The following PRKACB variants were observed in gnomAD, a reference collection of about 807,000 sequenced individuals.
PRKACB encodes protein kinase cAMP-activated catalytic subunit beta.
Under a neutral mutation model 51.4 loss-of-function variants are expected in PRKACB, and 16 were observed. That is an observed-to-expected ratio of 0.31 (90% CI 0.21 to 0.47). The LOEUF is 0.47. PRKACB is among the 20% of genes least tolerant of loss of function. The pLI is 1.00. For synonymous variants in PRKACB, 147 were observed against 154.4 expected (o/e 0.95, Z 0.35); for missense variants, 309 against 464.5 (o/e 0.67, Z 3.08).
intron 1 of PRKACB, among the ~76,000 whole-genome samples, chr1:84,129,049 A>G (rs1389026797): frequency 6.6e-6 from 1 of 152,224 alleles, no homozygotes; most frequent in Non-Finnish European, 1.5e-5. Context: ...GAATTCCTGG[A>G]AGAAAAATTA....
At chr1:84,155,454 A>G (rs919638064) in intron 1 of PRKACB, among the ~76,000 whole-genome samples, 4 of 152,186 alleles carry the variant, frequency 2.6e-5, no homozygotes, top group Non-Finnish European at 4.4e-5. Flanking sequence ...AAAGCGATCT[A>G]CAGATTAAAT....
At chr1:84,148,754 A>T (rs1027639503) in intron 1 of PRKACB, among the ~76,000 whole-genome samples, 1 of 152,232 alleles carries the variant, frequency 6.6e-6, no homozygotes, top group African/African-American at 2.4e-5. Flanking sequence ...AGCAGACTTT[A>T]TAGTAAAACT....
intron 1 of PRKACB, among the ~76,000 whole-genome samples, chr1:84,150,462 A>G (rs562788452): frequency 6.6e-6 from 1 of 152,138 alleles, no homozygotes; most frequent in South Asian, 2.1e-4. Flanking sequence ...CTCATGTTGG[A>G]ATGTGATCCC....
At chr1:84,229,170 G>C (rs1675160167) in intron 9 of PRKACB, among the ~76,000 whole-genome samples, 1 of 147,432 alleles carries the variant, frequency 6.8e-6, no homozygotes, top group African/African-American at 2.6e-5. Context: ...CTATGAGTGA[G>C]AATATGCAGT....
At chr1:84,127,595 C>T (rs991251077) in intron 1 of PRKACB, among the ~76,000 whole-genome samples, 1 of 120,730 alleles carries the variant, frequency 8.3e-6, no homozygotes, top group Non-Finnish European at 1.9e-5. Context: ...TGGCACATTA[C>T]TGAGCTATTT....
In PRKACB at chr1:84,236,129, T is replaced by C. The variant is rs967426258; in HGVS notation, c.*824T>C. The stretch of plus-strand genomic sequence containing the variant: ...TATTAGAGAAGAGTTCTAAGTTTTC[T>C]AAACCTTAACTGTTCCTTAAGGATT... On this transcript the variant is annotated 3_prime_UTR_variant, in exon 10 of 10. Coordinates refer to ENST00000370685, the MANE Select transcript of PRKACB (RefSeq NM_182948.4). 2 of 152,668 alleles carry C rather than the reference T, an allele frequency of 1.3e-5. No individual in the cohort carries two copies. Among genetic ancestry groups the C allele is most frequent in the African/African-American group, 4.8e-5 (2 of 41,462 alleles). The allele number at this position is 152,668 out of a possible 1,614,324, so 9.5% of individuals were successfully genotyped here. A position where few individuals can be genotyped will look rare whatever the true frequency, so the allele number is the denominator to read the frequency against.
Position 84,085,518 on chromosome 1 carries a change from A to C in PRKACB, c.46+7147A>C, listed in dbSNP as rs566608745. Among the ~76,000 whole-genome samples the C allele has an allele frequency of 3.3e-5, 5 of 152,350 alleles. No individual in the cohort carries two copies. In the East Asian group the frequency reaches 9.6e-4, roughly 29 times the overall value. ...TCTATTATATTTATTAAAAGAAAAA[A>C]TACACAGGAAGCAGCAAGATGAGGG... is the stretch of plus-strand genomic sequence containing the variant. On this transcript the variant is annotated intron_variant, in intron 1 of 8. Coordinates refer to the PRKACB transcript ENST00000370688.
At chr1:84,212,231 T>A (rs1389680312) in intron 8 of PRKACB, among the ~76,000 whole-genome samples, 1 of 152,112 alleles carries the variant, frequency 6.6e-6, no homozygotes, top group African/African-American at 2.4e-5. Flanking sequence ...AAGCTCAGAT[T>A]TTCAGGCCCA....
At chr1:84,222,762 G>T (rs1197110156) in intron 9 of PRKACB, among the ~76,000 whole-genome samples, 2 of 152,108 alleles carry the variant, frequency 1.3e-5, no homozygotes, top group Admixed American at 1.3e-4. Context: ...TTGAAGAAAG[G>T]TTTCTTGGTT....
intron 9 of PRKACB, among the ~76,000 whole-genome samples, chr1:84,219,946 C>G (rs1403594664): frequency 2.6e-5 from 4 of 151,728 alleles, no homozygotes; most frequent in Admixed American, 2.0e-4. Context: ...TTTTGTGGTT[C>G]CATACAAATT....
intron 1 of PRKACB, chr1:84,165,078 T>C: frequency 1.5e-6 from 2 of 1,296,818 alleles, no homozygotes; most frequent in African/African-American, 3.0e-5. Flanking sequence ...GAGGAAAAAA[T>C]ATTTTTAAAG....
At chr1:84,198,222 A>G (rs1668734024) in intron 7 of PRKACB, among the ~76,000 whole-genome samples, 1 of 152,176 alleles carries the variant, frequency 6.6e-6, no homozygotes, top group Non-Finnish European at 1.5e-5. Context: ...CCAGTTAAAT[A>G]AAAGGAATGT....
intron 1 of PRKACB, among the ~76,000 whole-genome samples, chr1:84,113,026 A>G (rs1290555388): frequency 6.6e-6 from 1 of 152,226 alleles, no homozygotes; most frequent in African/African-American, 2.4e-5. Context: ...CTAAAAATGA[A>G]ATAGAAAAAC....
rs1670978873 is a variant in PRKACB, at chr1:84,204,358, G to C, written c.906+1553G>C. 4.3e-6 allele frequency: 3 copies of C among 696,052 alleles called. No individual in the cohort carries two copies. The South Asian group carries it at 6.3e-5, about 15-fold the overall frequency. 43.1% of individuals were successfully genotyped at this position (696,052 alleles called of 1,614,324 possible). A position where few individuals can be genotyped will look rare whatever the true frequency, so the allele number is the denominator to read the frequency against. ...GTGTTGAATGCTGTGCACTGATAAA[G>C]GCAATACAGAAAAGCAGAATGCAGT... On this transcript the variant is annotated intron_variant, in intron 8 of 9. Transcript: ENST00000370685.
At chr1:84,167,589 T>C (rs750790205) in intron 1 of PRKACB, among the ~76,000 whole-genome samples, 1 of 151,618 alleles carries the variant, frequency 6.6e-6, no homozygotes, top group Non-Finnish European at 1.5e-5. Context: ...TTCTAATCTC[T>C]AAATGTTGAA....
rs565590084 is a variant in PRKACB at position 84,172,857 on chromosome 1, A to G, written c.188-6320A>G. ...TTGCCTATTAAACTTCCAAATACTC[A>G]TATATATGTGGCTTTAGTCTTTATA... is the stretch of plus-strand genomic sequence containing the variant. On this transcript the variant is annotated intron_variant, in intron 1 of 9. Transcript: ENST00000370685. 5.9e-5 allele frequency among the ~76,000 whole-genome samples: 9 copies of G among 151,756 alleles called. No individual in the cohort carries two copies. In the South Asian group the frequency reaches 1.7e-3, roughly 28 times the overall value.
At chr1:84,095,768 A>T (rs1338657827) in intron 1 of PRKACB, among the ~76,000 whole-genome samples, 2 of 151,968 alleles carry the variant, frequency 1.3e-5, no homozygotes, top group African/African-American at 4.8e-5. Context: ...TTACATGTAT[A>T]TGTAAAATTT....
intron 8 of PRKACB, among the ~76,000 whole-genome samples, chr1:84,206,502 A>T (rs1026476583): frequency 6.6e-6 from 1 of 152,170 alleles, no homozygotes; most frequent in Non-Finnish European, 1.5e-5. Context: ...AGTCCAGAAG[A>T]CACCAGGCAC....
chr1:84,222,905 T>C (rs116139695), intron 9 of PRKACB, among the ~76,000 whole-genome samples: 2,265 of 152,298 alleles, frequency 0.015, 63 homozygotes, highest in African/African-American at 0.05. Flanking sequence ...GGTTCCCTTA[T>C]ATGTGACTTG....
Sources: gnomAD v4.1 joint callset for allele counts (sites outside exome capture counted in the v4.1 genomes callset) on GRCh38, gnomAD v4.1.1 for gene constraint, MANE v1.5 for transcripts, NCBI Gene and HGNC (gene_info 2026-07-23, HGNC 2026-07-21) for gene names.